The following FOXP2 variants were observed in gnomAD, a reference collection of about 807,000 sequenced individuals.
FOXP2 encodes the protein forkhead box P2.
FOXP2 carries 12 observed loss-of-function variants against 115.8 expected under a neutral mutation model. That is an observed-to-expected ratio of 0.10 (90% CI 0.07 to 0.17). The LOEUF is 0.17. FOXP2 is among the 10% of genes least tolerant of loss of function. FOXP2 has a pLI of 1.00. For missense variants in FOXP2, 629 were observed against 843.5 expected (o/e 0.75, Z 3.15); for synonymous variants, 328 against 297.7 (o/e 1.10, Z -1.05).
intron 1 of FOXP2, among the ~76,000 whole-genome samples, chr7:114,156,050 CTG>C (rs1459164920): frequency 1.3e-5 from 2 of 152,102 alleles, no homozygotes; most frequent in Admixed American, 1.3e-4. Context: ...CCTTACCAGT[CTG>C]AGTATTACTA....
In FOXP2 at chr7:114,136,078, G is replaced by A. The variant is rs780015384; in HGVS notation, c.-246-26866G>A. On this transcript the variant is annotated intron_variant, in intron 1 of 19. Coordinates refer to the FOXP2 transcript ENST00000635638. ...AATTCTGGGGAGGCTTAAGAAATTG[G>A]GATATGAAAGATTTGCTGGAATGTG... Among the ~76,000 whole-genome samples, 147 of 152,046 alleles carry A rather than the reference G, an allele frequency of 9.7e-4. 1 individual carries two copies. The highest frequency in any genetic ancestry group is 1.0e-3 in the South Asian group (5 of 4,818).
chr7:114,267,970 T>C (rs954560129), intron 1 of FOXP2, among the ~76,000 whole-genome samples: 6 of 152,080 alleles, frequency 3.9e-5, no homozygotes, highest in African/African-American at 1.2e-4. Flanking sequence ...TTTCCTTCTC[T>C]CTCAAGTCCC....
intron 3 of FOXP2, among the ~76,000 whole-genome samples, chr7:114,585,938 G>A (rs1219757848): frequency 2.0e-5 from 3 of 152,050 alleles, no homozygotes; most frequent in South Asian, 2.1e-4. Flanking sequence ...AGGAGAACAC[G>A]ATTTTATGAT....
chr7:114,396,267 C>T (rs752818696), intron 2 of FOXP2, among the ~76,000 whole-genome samples: 3 of 151,942 alleles, frequency 2.0e-5, no homozygotes, highest in African/African-American at 4.8e-5. Flanking sequence ...GAACATGCAA[C>T]GTTTGTCTGT....
chr7:114,235,839 A>T (rs915192977), intron 1 of FOXP2, among the ~76,000 whole-genome samples: 1 of 152,204 alleles, frequency 6.6e-6, no homozygotes, highest in Non-Finnish European at 1.5e-5. Flanking sequence ...TTAGTTGTTC[A>T]TTCTCCAGTC....
Position 114,092,242 on chromosome 7 carries a change from G to A in FOXP2, c.-247+4404G>A, listed in dbSNP as rs555498445. Among the ~76,000 whole-genome samples, 243 of 152,058 alleles carry A rather than the reference G, an allele frequency of 1.6e-3. 3 individuals are homozygous for A. Among genetic ancestry groups the A allele is most frequent in the African/African-American group, 5.7e-3 (235 of 41,522 alleles). On this transcript the variant is annotated intron_variant, in intron 1 of 19. Transcript: ENST00000635638. ...TAATGTTGATTTAAAATTTATTTAA[G>A]TTTTTAGTGTTTCCTCTTGAAGATT...
intron 3 of FOXP2, among the ~76,000 whole-genome samples, chr7:114,591,878 A>G (rs904297262): frequency 6.6e-6 from 1 of 152,022 alleles, no homozygotes; most frequent in African/African-American, 2.4e-5. Context: ...GTGGTGTCCA[A>G]CAGAGGAACC....
At chr7:114,659,466 A>C in intron 12 of FOXP2, 34 bp downstream of exon 12, 1 of 1,599,706 alleles carries the variant, frequency 6.3e-7, no homozygotes. Flanking sequence ...TGCCTGATTA[A>C]ATTAAAATTC....
At chr7:114,669,058 T>A (rs2129344677) in intron 16 of FOXP2, 1 of 152,156 alleles carries the variant, frequency 6.6e-6, no homozygotes, top group South Asian at 2.1e-4. Flanking sequence ...TATTTTTAGT[T>A]TTAATTATTT....
chr7:114,618,552 GC>G (rs1272225933), intron 3 of FOXP2, among the ~76,000 whole-genome samples: 1 of 152,134 alleles, frequency 6.6e-6, no homozygotes, highest in Non-Finnish European at 1.5e-5. Flanking sequence ...GACAAGGTTT[GC>G]CTGCTATACA....
intron 3 of FOXP2, among the ~76,000 whole-genome samples, chr7:114,613,605 G>A (rs1192968942): frequency 6.6e-6 from 1 of 151,092 alleles, no homozygotes; most frequent in Non-Finnish European, 1.5e-5. Context: ...AACCCGGGAG[G>A]CAGAGGTTGC....
intron 1 of FOXP2, among the ~76,000 whole-genome samples, chr7:114,248,285 A>G (rs1168302883): frequency 6.6e-6 from 1 of 152,160 alleles, no homozygotes; most frequent in Non-Finnish European, 1.5e-5. Context: ...TAGATAAGGC[A>G]CATCCACATT....
At chr7:114,110,817 G>C (rs979478441) in intron 1 of FOXP2, among the ~76,000 whole-genome samples, 3 of 152,044 alleles carry the variant, frequency 2.0e-5, no homozygotes, top group Non-Finnish European at 4.4e-5. Context: ...ACATTCAAAG[G>C]AATTTTTATT....
rs970462115 is a variant in FOXP2, at chr7:114,693,481, T to A, written c.*3555T>A. 2.4e-5 allele frequency: 11 copies of A among 452,942 alleles called. No homozygotes were observed. The highest frequency in any genetic ancestry group is 4.4e-5 in the Non-Finnish European group (10 of 226,274). 28.1% of individuals were successfully genotyped at this position (452,942 alleles called of 1,614,324 possible). The stretch of plus-strand genomic sequence containing the variant: ...AGACTTCATCTTACACATGCCAGTA[T>A]TAACACACATTTGGACAATAGCTTT... On this transcript the variant is annotated 3_prime_UTR_variant, in exon 17 of 17. Transcript: ENST00000350908.
At chr7:114,627,557 C>G (rs968392037) in intron 3 of FOXP2, among the ~76,000 whole-genome samples, 1 of 152,058 alleles carries the variant, frequency 6.6e-6, no homozygotes, top group Non-Finnish European at 1.5e-5. Context: ...CCATCCTCTT[C>G]CTATTTCTTC....
chr7:114,261,009 T>C (rs1795735661), intron 1 of FOXP2, among the ~76,000 whole-genome samples: 1 of 152,220 alleles, frequency 6.6e-6, no homozygotes, highest in Non-Finnish European at 1.5e-5. Flanking sequence ...CTGTCTCTAC[T>C]TCTTTCTTCT....
intron 3 of FOXP2, among the ~76,000 whole-genome samples, chr7:114,586,916 AAATGTACTT>A (rs1802164257): frequency 6.6e-6 from 1 of 152,182 alleles, no homozygotes; most frequent in Non-Finnish European, 1.5e-5. Context: ...GCACTTATAA[AAATGTACTT>A]TGTACTAGTA....
chr7:114,343,375 C>A (rs994759565), intron 2 of FOXP2, among the ~76,000 whole-genome samples: 1 of 151,500 alleles, frequency 6.6e-6, no homozygotes, highest in African/African-American at 2.4e-5. Flanking sequence ...GGCTACATTG[C>A]TGCTCATTTA....
intron 2 of FOXP2, among the ~76,000 whole-genome samples, chr7:114,505,741 T>A (rs1184696397): frequency 6.6e-6 from 1 of 151,524 alleles, no homozygotes; most frequent in African/African-American, 2.4e-5. Context: ...TCTATAGGGT[T>A]TTTGTGTGTT....
Sources: allele counts gnomAD v4.1 joint callset (sites outside exome capture counted in the v4.1 genomes callset), GRCh38; gene constraint gnomAD v4.1.1; transcripts MANE v1.5; gene names NCBI Gene and HGNC (gene_info 2026-07-23, HGNC 2026-07-21).